The following FAM149B1 variants were observed in gnomAD, a reference collection of about 807,000 sequenced individuals.
FAM149B1 encodes primary cilium assembly protein FAM149B1.
Under a neutral mutation model 75.3 loss-of-function variants are expected in FAM149B1, and 56 were observed. The ratio of observed to expected loss-of-function variants is 0.74; its 90% CI spans 0.60 to 0.93. The LOEUF (loss-of-function observed/expected upper bound fraction) is 0.93. Among genes scored for constraint, FAM149B1 ranks in the 40% least tolerant of loss-of-function variants. The probability of loss-of-function intolerance (pLI) is 0.00; values close to 1 mark genes in which losing one functional copy is unlikely to be tolerated. For missense variants in FAM149B1, 639 were observed against 708.4 expected (o/e 0.90, Z 1.11); for synonymous variants, 259 against 256.1 (o/e 1.01, Z -0.11).
chr10:73,171,733 ATTC>A (rs1472206092), intron 1 of FAM149B1, among the ~76,000 whole-genome samples: 1 of 149,344 alleles, frequency 6.7e-6, no homozygotes, highest in Non-Finnish European at 1.5e-5. Flanking sequence ...GGTTCACGCC[ATTC>A]TTCTGCCTCA....
intron 7 of FAM149B1, among the ~76,000 whole-genome samples, chr10:73,221,816 A>G (rs1016477624): frequency 6.6e-6 from 1 of 151,732 alleles, no homozygotes; most frequent in East Asian, 1.9e-4. Flanking sequence ...CTTTAAAAAA[A>G]TTTTTTTTGT....
rs533218076 is a variant in FAM149B1, at chr10:73,175,560, C to T, written c.152+769C>T. Among the ~76,000 whole-genome samples, 5 of 151,322 alleles carry T rather than the reference C, an allele frequency of 3.3e-5. No homozygotes were observed. The East Asian group carries it at 9.8e-4, about 30-fold the overall frequency. Reference sequence around the variant, plus strand: ...TGGTGGGGGCCCGTAGTCCCAGCTACTCAGGAGGCTGAGGCAGGAGAATGG... The same window carrying T: ...TGGTGGGGGCCCGTAGTCCCAGCTATTCAGGAGGCTGAGGCAGGAGAATGG... On this transcript the variant is annotated intron_variant, in intron 2 of 13. Transcript: ENST00000242505.
chr10:73,205,545 T>G (rs1369340803), intron 5 of FAM149B1, among the ~76,000 whole-genome samples: 1 of 151,978 alleles, frequency 6.6e-6, no homozygotes, highest in Admixed American at 6.6e-5. Context: ...ATTTTTGTTT[T>G]TTGTTTTTGT....
chr10:73,180,599 G>T (rs2042374171), intron 3 of FAM149B1, among the ~76,000 whole-genome samples: 1 of 152,106 alleles, frequency 6.6e-6, no homozygotes, highest in African/African-American at 2.4e-5. Flanking sequence ...AGTCTAACAG[G>T]TTTTTAAAAT....
At chr10:73,179,523 C>T (rs985068645) in intron 3 of FAM149B1, among the ~76,000 whole-genome samples, 1 of 151,942 alleles carries the variant, frequency 6.6e-6, no homozygotes, top group Non-Finnish European at 1.5e-5. Flanking sequence ...AAGCCATCCT[C>T]CTGCCTCAGC....
At chr10:73,205,148 TTG>T in intron 5 of FAM149B1, among the ~76,000 whole-genome samples, 1 of 151,674 alleles carries the variant, frequency 6.6e-6, no homozygotes, top group East Asian at 1.9e-4. Flanking sequence ...GTTGTATAGC[TTG>T]TTATAGTTTA....
chr10:73,219,672 A>G (rs561405996), intron 7 of FAM149B1, among the ~76,000 whole-genome samples: 16 of 152,288 alleles, frequency 1.1e-4, no homozygotes, highest in Admixed American at 9.8e-4. Flanking sequence ...AGTCTCTTTA[A>G]CAGATGATAC....
chr10:73,209,425 G>A (rs1454031352), intron 6 of FAM149B1, among the ~76,000 whole-genome samples: 1 of 152,052 alleles, frequency 6.6e-6, no homozygotes, highest in Non-Finnish European at 1.5e-5. Context: ...ACCAGCCTGG[G>A]CAACAGAGCA....
chr10:73,197,400 A>G (rs1276707758), intron 5 of FAM149B1, among the ~76,000 whole-genome samples: 4 of 152,236 alleles, frequency 2.6e-5, no homozygotes, highest in African/African-American at 9.6e-5. Context: ...TATGGTTGCA[A>G]AAGAGACTGA....
chr10:73,240,478 C>G (rs748162205), intron 13 of FAM149B1, among the ~76,000 whole-genome samples: 11 of 152,072 alleles, frequency 7.2e-5, no homozygotes, highest in Non-Finnish European at 1.5e-4. Context: ...TTTCGGAGGC[C>G]AAGGCGGGCG....
intron 1 of FAM149B1, among the ~76,000 whole-genome samples, chr10:73,172,315 C>G (rs1164103934): frequency 6.6e-6 from 1 of 152,138 alleles, no homozygotes; most frequent in African/African-American, 2.4e-5. Context: ...GGGCTCTTAG[C>G]TTTATCTTTA....
chr10:73,204,726 T>C (rs558228871), intron 5 of FAM149B1, among the ~76,000 whole-genome samples: 13 of 151,052 alleles, frequency 8.6e-5, no homozygotes, highest in African/African-American at 3.1e-4. Flanking sequence ...AATAAGGATA[T>C]AACCTCGTGA....
chr10:73,201,830 T>C (rs914620651), intron 5 of FAM149B1, among the ~76,000 whole-genome samples: 5 of 151,892 alleles, frequency 3.3e-5, no homozygotes, highest in South Asian at 2.1e-4. Context: ...CTTAATGAAG[T>C]TTTAGTGTTA....
chr10:73,212,076 G>A (rs548838615), intron 7 of FAM149B1, among the ~76,000 whole-genome samples: 2 of 152,156 alleles, frequency 1.3e-5, no homozygotes, highest in Admixed American at 6.5e-5. Context: ...GAGTTATTTC[G>A]CTAGGATAAT....
intron 1 of FAM149B1, 36 bp from the exon 2 acceptor site, chr10:73,174,651 T>A (rs1470879655): frequency 1.4e-6 from 2 of 1,409,772 alleles, no homozygotes; most frequent in Non-Finnish European, 2.0e-6. Flanking sequence ...TGTATTTTTT[T>A]ATACAGGAAA....
intron 3 of FAM149B1, among the ~76,000 whole-genome samples, chr10:73,191,110 G>C (rs2042671930): frequency 6.6e-6 from 1 of 152,082 alleles, no homozygotes; most frequent in Admixed American, 6.6e-5. Context: ...GCACGATCTT[G>C]GCTCACCACA....
chr10:73,211,518 G>A (rs1365974685), intron 7 of FAM149B1, among the ~76,000 whole-genome samples: 8 of 152,118 alleles, frequency 5.3e-5, no homozygotes, highest in Admixed American at 4.6e-4. Context: ...CATATATTTA[G>A]TCTCTGCCCC....
intron 13 of FAM149B1, among the ~76,000 whole-genome samples, chr10:73,240,467 C>T (rs7086358): frequency 0.11 from 16,978 of 152,176 alleles, 1,276 homozygotes; most frequent in South Asian, 0.2. Context: ...AATCCCAGCA[C>T]TTTCGGAGGC....
chr10:73,192,967 C>T (rs1394667375), intron 4 of FAM149B1, among the ~76,000 whole-genome samples: 1 of 152,126 alleles, frequency 6.6e-6, no homozygotes, highest in Non-Finnish European at 1.5e-5. Flanking sequence ...TATCAAAAAG[C>T]CCTTCTTTTG....
Sources: gnomAD v4.1 joint callset for allele counts (sites outside exome capture counted in the v4.1 genomes callset) on GRCh38, gnomAD v4.1.1 for gene constraint, MANE v1.5 for transcripts, NCBI Gene and HGNC (gene_info 2026-07-23, HGNC 2026-07-21) for gene names.